The following DOCK5 variants were observed in gnomAD, a reference collection of about 807,000 sequenced individuals.
DOCK5 encodes dedicator of cytokinesis 5.
In DOCK5, 142 loss-of-function variants were observed where a neutral mutation model predicts 251.8. The ratio of observed to expected loss-of-function variants is 0.56; its 90% CI spans 0.49 to 0.65. The LOEUF (loss-of-function observed/expected upper bound fraction) is 0.65. Among genes scored for constraint, DOCK5 ranks in the 30% least tolerant of loss-of-function variants. The pLI, the probability that DOCK5 is intolerant of heterozygous loss-of-function variation, is 0.00. For synonymous variants in DOCK5, 842 were observed against 835.5 expected, an observed-to-expected ratio of 1.01 and a Z score of -0.13; for missense variants, 2,111 against 2,312.3, an observed-to-expected ratio of 0.91 and a Z score of 1.79.
intron 1 of DOCK5, among the ~76,000 whole-genome samples, chr8:25,193,880 C>G (rs1040480793): frequency 6.6e-6 from 1 of 152,196 alleles, no homozygotes; most frequent in Non-Finnish European, 1.5e-5. Flanking sequence ...TCACCCTTAG[C>G]TAGGAACTTG....
Position 25,400,868 on chromosome 8 carries a change from C to T in DOCK5, c.4789-61C>T. On this transcript the variant is annotated intron_variant, in intron 46 of 51. Transcript: ENST00000276440. ...CCACCCCATCCCTCCCTTCCCCAAC[C>T]AAATCAAAACGATCCCTCTTCCTGA... 3 of 1,597,250 alleles carry T rather than the reference C, an allele frequency of 1.9e-6. No individual in the cohort carries two copies. The South Asian group carries it at 3.3e-5, about 18-fold the overall frequency.
In DOCK5 at chr8:25,278,563, T is replaced by C; in HGVS notation, c.225-6T>C. 6.2e-7 allele frequency: 1 copy of C among 1,613,890 alleles called. No homozygotes were observed. Among genetic ancestry groups the C allele is most frequent in the Non-Finnish European group, 8.5e-7 (1 of 1,179,830 alleles). On this transcript the variant is annotated splice_region_variant and splice_polypyrimidine_tract_variant and intron_variant, in intron 4 of 51. Coordinates refer to ENST00000276440, the MANE Select transcript of DOCK5 (RefSeq NM_024940.8). ...AAGAAAGTGACCCTCGTTTGGTTCT[T>C]TGTAGGCAGCATGAAACCGTGATTC...
intron 42 of DOCK5, among the ~76,000 whole-genome samples, chr8:25,391,226 T>G (rs1011484629): frequency 6.6e-6 from 1 of 151,414 alleles, no homozygotes; most frequent in Non-Finnish European, 1.5e-5. Flanking sequence ...TGTGTGTGTG[T>G]GTGTGTGTGT....
chr8:25,346,420 A>T (rs1260767044), intron 26 of DOCK5, among the ~76,000 whole-genome samples: 1 of 152,196 alleles, frequency 6.6e-6, no homozygotes, highest in Non-Finnish European at 1.5e-5. Flanking sequence ...GCTGCTGAGA[A>T]GTTCTCATTT....
rs1043568827 is a variant in DOCK5 at position 25,389,516 on chromosome 8, A to G, written c.4273+284A>G. Reference sequence around the variant, plus strand: ...GTGGAATATATACTTTCTATTGTGAATTCTGGATTCTGTTGTAGACTTTGA... The same window carrying G: ...GTGGAATATATACTTTCTATTGTGAGTTCTGGATTCTGTTGTAGACTTTGA... On this transcript the variant is annotated intron_variant, in intron 41 of 51. Coordinates refer to ENST00000276440, the MANE Select transcript of DOCK5 (RefSeq NM_024940.8). Among the ~76,000 whole-genome samples the G allele has an allele frequency of 1.1e-4, 16 of 152,176 alleles. 1 individual carries two copies. Among genetic ancestry groups the G allele is most frequent in the Admixed American group, 9.8e-4 (15 of 15,274 alleles).
intron 37 of DOCK5, chr8:25,376,296 C>A: frequency 1.0e-6 from 1 of 985,100 alleles, no homozygotes; most frequent in Non-Finnish European, 1.2e-6. Context: ...AGCTTTTTTT[C>A]CCCCCAGATT....
At chr8:25,368,767 T>C (rs1347268730) in intron 33 of DOCK5, 42 bp downstream of exon 33, 9 of 1,576,144 alleles carry the variant, frequency 5.7e-6, no homozygotes, top group South Asian at 2.3e-5. Context: ...AATGGACATA[T>C]AGTCAAATCA....
At chr8:25,356,057 A>G (rs928038995) in intron 27 of DOCK5, among the ~76,000 whole-genome samples, 5 of 143,390 alleles carry the variant, frequency 3.5e-5, no homozygotes, top group Non-Finnish European at 7.6e-5. Flanking sequence ...AAAAATAGCC[A>G]GTTGTGGTGA....
intron 14 of DOCK5, among the ~76,000 whole-genome samples, chr8:25,317,720 C>G (rs1331454952): frequency 6.6e-6 from 1 of 152,206 alleles, no homozygotes; most frequent in Non-Finnish European, 1.5e-5. Context: ...ACCCCATTCT[C>G]CAGCCTTAGC....
At chr8:25,356,823 G>A (rs1800581248) in intron 27 of DOCK5, among the ~76,000 whole-genome samples, 1 of 149,280 alleles carries the variant, frequency 6.7e-6, no homozygotes, top group South Asian at 2.1e-4. Flanking sequence ...GATTTGAGGA[G>A]GAATAGGATT....
chr8:25,199,201 G>C (rs569620219), intron 1 of DOCK5, among the ~76,000 whole-genome samples: 55 of 152,112 alleles, frequency 3.6e-4, no homozygotes, highest in Non-Finnish European at 6.9e-4. Flanking sequence ...AACGTTTAAG[G>C]GGTGAAGAAA....
At position 25,395,572 on chromosome 8, in the gene DOCK5, C is replaced by T. The variant is rs1014836697; in HGVS notation, c.4557C>T (p.Ile1519=). The T allele has an allele frequency of 1.9e-5, 30 of 1,613,224 alleles. No individual in the cohort carries two copies. Among genetic ancestry groups the T allele is most frequent in the African/African-American group, 2.7e-5 (2 of 74,804 alleles). ...AGATCAGTCCTCTGGAGAATGCCAT[C>T]GAAACCATGGAGCTGACCAACGAGA... ...TEEISPLENA[I]ETMELTNERI... is the part of the protein sequence containing the mutation. Residue 1519 remains isoleucine (I), a synonymous_variant, in exon 45 of 52, where the codon ATC becomes ATT. Coordinates refer to ENST00000276440, the MANE Select transcript of DOCK5 (RefSeq NM_024940.8).
chr8:25,389,117 G>A lies in DOCK5; in HGVS notation c.4158G>A (p.Lys1386=). 5.0e-6 allele frequency: 8 copies of A among 1,613,972 alleles called. No homozygotes were observed. Among genetic ancestry groups the A allele is most frequent in the Non-Finnish European group, 6.8e-6 (8 of 1,179,878 alleles). Residue 1386 remains lysine (K), a synonymous_variant, in exon 41 of 52, where the codon AAG becomes AAA. Transcript: ENST00000276440. ...LRNKIFIYRG[K]EYERREDFSL... is the part of the protein sequence containing the mutation. ...ATAAAATCTTCATCTATCGGGGAAA[G>A]GAGTATGAGAGGCGAGAGGACTTCA...
chr8:25,342,691 GTTTTTTTTTT>G (rs1201632677), intron 25 of DOCK5, among the ~76,000 whole-genome samples, 184 bp downstream of exon 25: 1,114 of 72,126 alleles, frequency 0.015, 20 homozygotes, highest in African/African-American at 0.06. Flanking sequence ...GTTTTTTCTT[GTTTTTTTTTT>G]TTTTTTTTTT....
In DOCK5 at chr8:25,391,901, A is replaced by T; in HGVS notation, c.4361A>T (p.Tyr1454Phe). 1 of 1,613,884 alleles carries T rather than the reference A, an allele frequency of 6.2e-7. No individual in the cohort carries two copies. The highest frequency in any genetic ancestry group is 8.5e-7 in the Non-Finnish European group (1 of 1,179,836). ...KPVPEQILNYYRANEVQQFRY... is the reference protein window; with the variant it reads ...KPVPEQILNYFRANEVQQFRY... ...ATTGCTTTGTCCTTCTCCAGCTACT[A>T]CAGAGCCAATGAAGTGCAGCAGTTC... The change falls in exon 43 of 52, where the codon TAC becomes TTC. Residue 1454 changes from tyrosine (Y) to phenylalanine (F), a missense_variant. Physicochemically the swap from Tyr to Phe is conservative, Grantham distance 22 (BLOSUM62 3). Coordinates refer to ENST00000276440, the MANE Select transcript of DOCK5 (RefSeq NM_024940.8).
chr8:25,254,788 C>A (rs58259091), intron 2 of DOCK5, among the ~76,000 whole-genome samples: 70,872 of 73,492 alleles, frequency 0.96, 34,178 homozygotes, highest in Non-Finnish European at 0.99. Flanking sequence ...AAAAACAAAA[C>A]AAAACAAAAA....
At chr8:25,245,400 G>T (rs769099473) in intron 2 of DOCK5, among the ~76,000 whole-genome samples, 11 of 152,094 alleles carry the variant, frequency 7.2e-5, no homozygotes, top group Admixed American at 3.3e-4. Flanking sequence ...TTTGTCAGGA[G>T]GCCAGGTTAA....
At chr8:25,381,292 C>T (rs1243194778) in intron 39 of DOCK5, among the ~76,000 whole-genome samples, 2 of 152,184 alleles carry the variant, frequency 1.3e-5, no homozygotes, top group Non-Finnish European at 2.9e-5. Context: ...TGTGCTATTA[C>T]CAGCCCCTGG....
At chr8:25,355,399 G>A (rs2117257097) in intron 27 of DOCK5, among the ~76,000 whole-genome samples, 1 of 152,126 alleles carries the variant, frequency 6.6e-6, no homozygotes, top group South Asian at 2.1e-4. Flanking sequence ...AAACCCAAGA[G>A]GGTTTACTCA....
Sources: gnomAD v4.1 joint callset for allele counts (sites outside exome capture counted in the v4.1 genomes callset) on GRCh38, gnomAD v4.1.1 for gene constraint, MANE v1.5 for transcripts, NCBI Gene and HGNC (gene_info 2026-07-23, HGNC 2026-07-21) for gene names.